Variants in BNC2 observed in about 807,000 individuals in gnomAD.
The protein encoded by BNC2 is basonuclin zinc finger protein 2.
BNC2 carries 20 observed loss-of-function variants against 76.3 expected under a neutral mutation model. The ratio of observed to expected loss-of-function variants is 0.26; its 90% CI spans 0.18 to 0.38. The LOEUF (loss-of-function observed/expected upper bound fraction) is 0.38, where lower values mean the gene tolerates loss of function less well. Among genes scored for constraint, BNC2 ranks in the 10% least tolerant of loss-of-function variants. The pLI is 1.00. For missense variants in BNC2, 1,382 were observed against 1,399.8 expected (o/e 0.99, Z 0.20); for synonymous variants, 582 against 514.8 (o/e 1.13, Z -1.77).
intron 1 of BNC2, among the ~76,000 whole-genome samples, chr9:16,844,258 A>G (rs562942260): frequency 6.6e-6 from 1 of 152,204 alleles, no homozygotes; most frequent in African/African-American, 2.4e-5. Flanking sequence ...AAAAACGGGT[A>G]TATCTGGGTT....
chr9:16,650,995 T>C (rs1348792571), intron 3 of BNC2, among the ~76,000 whole-genome samples: 3 of 152,208 alleles, frequency 2.0e-5, no homozygotes, highest in Non-Finnish European at 4.4e-5. Context: ...CATTTCTATA[T>C]GCCTCGGTTT....
intron 3 of BNC2, among the ~76,000 whole-genome samples, chr9:16,675,571 G>A (rs573381382): frequency 2.6e-5 from 4 of 152,092 alleles, no homozygotes; most frequent in South Asian, 2.1e-4. Flanking sequence ...CCTAATTTTC[G>A]AAGAAAAGAA....
chr9:16,612,382 C>T (rs191415199), intron 3 of BNC2, among the ~76,000 whole-genome samples: 17 of 152,298 alleles, frequency 1.1e-4, no homozygotes, highest in South Asian at 6.2e-4. Context: ...CTTCCCCAGC[C>T]ACTTTCTCAT....
At position 16,657,002 on chromosome 9, in the gene BNC2, G is replaced by A. The variant is rs184830643; in HGVS notation, c.330+70795C>T. On this transcript the variant is annotated intron_variant, in intron 3 of 6. Transcript: ENST00000380672. ...CAGATGGTGATGCTATTTAAAGAAC[G>A]GTGGAGGCTGACTATAGTGGGGCAA... Among the ~76,000 whole-genome samples, 351 of 152,220 alleles carry A rather than the reference G, an allele frequency of 2.3e-3. 1 individual carries two copies. The highest frequency in any genetic ancestry group is 7.8e-3 in the African/African-American group (326 of 41,550).
intron 3 of BNC2, among the ~76,000 whole-genome samples, chr9:16,711,908 G>A (rs138353195): frequency 5.1e-4 from 77 of 152,192 alleles, no homozygotes; most frequent in African/African-American, 1.6e-3. Context: ...ATCCCTAATC[G>A]CTCACCCAAT....
At chr9:16,749,819 C>T (rs1301758191) in intron 1 of BNC2, among the ~76,000 whole-genome samples, 1 of 152,070 alleles carries the variant, frequency 6.6e-6, no homozygotes, top group Non-Finnish European at 1.5e-5. Flanking sequence ...ACTGTAGAGG[C>T]CTTGAAATTT....
intron 1 of BNC2, among the ~76,000 whole-genome samples, chr9:16,856,596 C>T (rs1819264460): frequency 6.6e-6 from 1 of 152,100 alleles, no homozygotes; most frequent in Non-Finnish European, 1.5e-5. Context: ...ATATTTCTTA[C>T]AAGGGACATT....
rs757633601 is a variant in BNC2 at position 16,436,586 on chromosome 9, T to C, written c.1608A>G (p.Arg536=). ...GGGGAGTGGTAAAACCCATTGGGGG[T>C]CGGCCAGGGCTTGTGAGTGCCAGAT... ...KSNLALTSPG[R]PPMGFTTPPL... Residue 536 remains arginine, a synonymous_variant, in exon 6 of 7, where the codon CGA becomes CGG. Transcript: ENST00000380672. The C allele has an allele frequency of 6.2e-7, 1 of 1,613,494 alleles. No individual in the cohort carries two copies. Among genetic ancestry groups the C allele is most frequent in the African/African-American group, 1.3e-5 (1 of 74,720 alleles).
At chr9:16,735,843 C>A (rs1305958483) in intron 2 of BNC2, among the ~76,000 whole-genome samples, 1 of 151,858 alleles carries the variant, frequency 6.6e-6, no homozygotes, top group Non-Finnish European at 1.5e-5. Context: ...CTTCTAAAGT[C>A]TGTGGACCAA....
intron 3 of BNC2, 97 bp from the exon 4 acceptor site, chr9:16,583,182 G>C: frequency 2.0e-6 from 2 of 995,006 alleles, no homozygotes; most frequent in South Asian, 2.6e-5. Context: ...TATTTTTAAA[G>C]ATTTTATGAT....
chr9:16,795,408 T>TGCAATA (rs1385387163), intron 1 of BNC2, among the ~76,000 whole-genome samples: 2 of 145,376 alleles, frequency 1.4e-5, no homozygotes, highest in African/African-American at 5.1e-5. Context: ...TTAAACACAC[T>TGCAATA]CCAGAAGTCA....
At chr9:16,611,794 T>G (rs556237687) in intron 3 of BNC2, among the ~76,000 whole-genome samples, 15 of 150,672 alleles carry the variant, frequency 1.0e-4, no homozygotes, top group African/African-American at 3.6e-4. Flanking sequence ...TTTAAAATAT[T>G]CTACCTGCAG....
intron 3 of BNC2, among the ~76,000 whole-genome samples, chr9:16,722,836 A>T (rs1288556621): frequency 6.6e-6 from 1 of 152,208 alleles, no homozygotes; most frequent in East Asian, 1.9e-4. Flanking sequence ...ATGAGACGGT[A>T]TCTCTTATGT....
chr9:16,605,699 G>C (rs914227514), intron 3 of BNC2, among the ~76,000 whole-genome samples: 1 of 151,252 alleles, frequency 6.6e-6, no homozygotes, highest in African/African-American at 2.4e-5. Flanking sequence ...ACAGAGACCA[G>C]AGCCATGAAA....
At chr9:16,449,238 C>A (rs545911455) in intron 5 of BNC2, among the ~76,000 whole-genome samples, 1 of 152,186 alleles carries the variant, frequency 6.6e-6, no homozygotes, top group African/African-American at 2.4e-5. Context: ...TCCACATTAA[C>A]GGTAGTCATT....
chr9:16,428,375 C>A lies in BNC2; in HGVS notation c.2639+7180G>T, dbSNP rs376891212. Among the ~76,000 whole-genome samples, 4 of 152,272 alleles carry A rather than the reference C, an allele frequency of 2.6e-5. No individual in the cohort carries two copies. The South Asian group carries it at 8.3e-4, about 32-fold the overall frequency. ...AGCTGCAGGTCTGTGGTTCTTGGTG[C>A]CCAAATGGGTCTTGTTTTACTTACG... is the stretch of plus-strand genomic sequence containing the variant. On this transcript the variant is annotated intron_variant, in intron 6 of 6. Coordinates refer to ENST00000380672, the MANE Select transcript of BNC2 (RefSeq NM_017637.6).
intron 3 of BNC2, among the ~76,000 whole-genome samples, chr9:16,715,115 G>A (rs193132751): frequency 2.6e-5 from 4 of 152,254 alleles, no homozygotes; most frequent in East Asian, 3.9e-4. Flanking sequence ...AAGGTGAGAC[G>A]AAAAGCTTTT....
At chr9:16,797,284 C>G (rs899973157) in intron 1 of BNC2, among the ~76,000 whole-genome samples, 6 of 152,136 alleles carry the variant, frequency 3.9e-5, no homozygotes, top group Non-Finnish European at 8.8e-5. Flanking sequence ...GAAATAGCTT[C>G]ATCTTTCTAG....
intron 3 of BNC2, among the ~76,000 whole-genome samples, chr9:16,704,542 A>C (rs988306596): frequency 6.8e-6 from 1 of 147,270 alleles, no homozygotes; most frequent in African/African-American, 2.5e-5. Context: ...GCATGGTTGG[A>C]TTTAGCCCTT....
Sources: gnomAD v4.1 joint callset for allele counts (sites outside exome capture counted in the v4.1 genomes callset) on GRCh38, gnomAD v4.1.1 for gene constraint, MANE v1.5 for transcripts, NCBI Gene and HGNC (gene_info 2026-07-23, HGNC 2026-07-21) for gene names.